The following CNTN4 variants were observed in gnomAD, a reference collection of about 807,000 sequenced individuals.
CNTN4 encodes contactin 4.
In CNTN4, 77 loss-of-function variants were observed where a neutral mutation model predicts 122.5. The observed-to-expected ratio is 0.63, with a 90% CI of 0.52 to 0.76. CNTN4 has a LOEUF of 0.76. Ranked by LOEUF, CNTN4 falls within the 30% of genes least tolerant of loss-of-function variation. The probability of loss-of-function intolerance (pLI) is 0.00; values close to 1 mark genes in which losing one functional copy is unlikely to be tolerated. For missense variants in CNTN4, 1,256 were observed against 1,259.1 expected, an observed-to-expected ratio of 1.00 and a Z score of 0.04; for synonymous variants, 512 against 447.0, an observed-to-expected ratio of 1.15 and a Z score of -1.83.
chr3:2,863,038 A>T (rs1315399136), intron 7 of CNTN4, among the ~76,000 whole-genome samples: 1 of 152,134 alleles, frequency 6.6e-6, no homozygotes, highest in East Asian at 1.9e-4. Context: ...TAGACCTCAG[A>T]ATTTTCTTAT....
rs1156582228 is a variant in CNTN4, at chr3:2,400,428, C to CATACATATAT, written c.-89+61198_-89+61199insCATATATATA. Among the ~76,000 whole-genome samples, 9 of 95,822 alleles carry CATACATATAT rather than the reference C, an allele frequency of 9.4e-5. 1 individual carries two copies. The highest frequency in any genetic ancestry group is 1.2e-4 in the Admixed American group (1 of 8,648). The allele number at this position is 95,822 out of a possible 152,430, so 62.9% of individuals were successfully genotyped here. ...GAATATATATATATATATATATATA[C>CATACATATAT]ATATATATATATATATATATATCTC... On this transcript the variant is annotated intron_variant, in intron 3 of 24. Coordinates refer to ENST00000418658, the MANE Select transcript of CNTN4 (RefSeq NM_175607.3).
At chr3:2,438,514 T>G (rs2151263848) in intron 3 of CNTN4, among the ~76,000 whole-genome samples, 1 of 152,310 alleles carries the variant, frequency 6.6e-6, no homozygotes, top group East Asian at 1.9e-4. Flanking sequence ...AGAGTGAGAC[T>G]CTGTCTCAAA....
intron 4 of CNTN4, among the ~76,000 whole-genome samples, chr3:2,590,126 A>C (rs1033941627): frequency 2.6e-5 from 4 of 152,222 alleles, no homozygotes; most frequent in Non-Finnish European, 1.5e-5. Flanking sequence ...CCTACACAAC[A>C]TAATACGATT....
At position 2,561,327 on chromosome 3, in the gene CNTN4, A is replaced by T. The variant is rs116783801; in HGVS notation, c.-88-10089A>T. Among the ~76,000 whole-genome samples, 1,216 of 152,300 alleles carry T rather than the reference A, an allele frequency of 8.0e-3. 17 individuals are homozygous for T. The highest frequency in any genetic ancestry group is 0.028 in the African/African-American group (1,169 of 41,566). ...GGAAAACAAACGTGAGATGATTGCTAAGAAATCCTTCTTTCCTGCTCTGGT... is the reference window on the plus strand; with the variant it reads ...GGAAAACAAACGTGAGATGATTGCTTAGAAATCCTTCTTTCCTGCTCTGGT... On this transcript the variant is annotated intron_variant, in intron 3 of 24. Transcript: ENST00000418658.
At chr3:2,153,718 C>A (rs928505458) in intron 2 of CNTN4, among the ~76,000 whole-genome samples, 2 of 152,078 alleles carry the variant, frequency 1.3e-5, no homozygotes, top group Non-Finnish European at 2.9e-5. Flanking sequence ...AGATATTGCT[C>A]TGACTGCTGT....
At chr3:2,415,491 T>G (rs2047378983) in intron 3 of CNTN4, among the ~76,000 whole-genome samples, 1 of 152,182 alleles carries the variant, frequency 6.6e-6, no homozygotes, top group African/African-American at 2.4e-5. Context: ...TAAAAAGTCA[T>G]AACATTTCCA....
At chr3:2,643,924 C>G (rs1576325477) in intron 4 of CNTN4, among the ~76,000 whole-genome samples, 1 of 152,144 alleles carries the variant, frequency 6.6e-6, no homozygotes, top group African/African-American at 2.4e-5. Context: ...TTGCTCTCAT[C>G]AGATTTAAAC....
chr3:2,935,648 G>A (rs944797835), intron 13 of CNTN4, among the ~76,000 whole-genome samples: 1 of 152,142 alleles, frequency 6.6e-6, no homozygotes, highest in African/African-American at 2.4e-5. Flanking sequence ...TCACGGAAAA[G>A]GGACGAAACA....
intron 14 of CNTN4, among the ~76,000 whole-genome samples, chr3:3,001,362 T>C (rs1054357308): frequency 6.6e-6 from 1 of 152,190 alleles, no homozygotes; most frequent in Non-Finnish European, 1.5e-5. Flanking sequence ...CCTCATTGTT[T>C]TTTCCCAGAT....
intron 4 of CNTN4, among the ~76,000 whole-genome samples, chr3:2,635,736 T>C (rs1255048890): frequency 6.6e-6 from 1 of 152,206 alleles, no homozygotes; most frequent in Non-Finnish European, 1.5e-5. Context: ...ATAGCACTGA[T>C]GTTTATGGTT....
intron 2 of CNTN4, among the ~76,000 whole-genome samples, chr3:2,163,516 C>T (rs941087176): frequency 5.3e-5 from 8 of 152,004 alleles, no homozygotes; most frequent in African/African-American, 1.7e-4. Context: ...CCTAATTAAA[C>T]TAAAAAGCTT....
chr3:2,732,163 T>TA (rs1270343228), intron 4 of CNTN4, among the ~76,000 whole-genome samples: 3 of 152,194 alleles, frequency 2.0e-5, no homozygotes, highest in Admixed American at 6.5e-5. Context: ...GGAGTGGGTC[T>TA]AAAACCGGTG....
At chr3:2,566,757 C>CAG (rs1338230112) in intron 3 of CNTN4, among the ~76,000 whole-genome samples, 1 of 152,154 alleles carries the variant, frequency 6.6e-6, no homozygotes, top group East Asian at 1.9e-4. Flanking sequence ...AACATGTTTA[C>CAG]AGAGATTAAG....
intron 2 of CNTN4, among the ~76,000 whole-genome samples, chr3:2,283,090 C>T (rs1330832703): frequency 6.6e-6 from 1 of 151,960 alleles, no homozygotes; most frequent in Admixed American, 6.6e-5. Flanking sequence ...GTGAAATATA[C>T]TAAAAACCAT....
chr3:2,907,082 G>A (rs1239244303), intron 12 of CNTN4, among the ~76,000 whole-genome samples: 2 of 152,130 alleles, frequency 1.3e-5, no homozygotes, highest in African/African-American at 4.8e-5. Context: ...CCTATTTAAA[G>A]ATACATAGAA....
At chr3:2,224,800 G>A (rs1004359999) in intron 2 of CNTN4, among the ~76,000 whole-genome samples, 1 of 152,114 alleles carries the variant, frequency 6.6e-6, no homozygotes, top group Admixed American at 6.5e-5. Flanking sequence ...TAATCAGGTT[G>A]ACTCAATCTG....
intron 2 of CNTN4, among the ~76,000 whole-genome samples, chr3:2,328,131 A>C (rs1199855341): frequency 2.0e-5 from 3 of 152,134 alleles, no homozygotes; most frequent in African/African-American, 7.2e-5. Flanking sequence ...AAAAATACAC[A>C]GTTTTGGCCG....
At chr3:2,222,057 C>T (rs907586939) in intron 2 of CNTN4, among the ~76,000 whole-genome samples, 6 of 151,978 alleles carry the variant, frequency 3.9e-5, no homozygotes, top group African/African-American at 1.4e-4. Flanking sequence ...GGTATATACC[C>T]AAGAGAAATG....
At chr3:2,832,902 G>T (rs185784100) in intron 7 of CNTN4, among the ~76,000 whole-genome samples, 3 of 152,056 alleles carry the variant, frequency 2.0e-5, no homozygotes, top group Admixed American at 6.6e-5. Context: ...AATTACAACC[G>T]ATGTGTTAAA....
Sources: gnomAD v4.1 joint callset for allele counts (sites outside exome capture counted in the v4.1 genomes callset) on GRCh38, gnomAD v4.1.1 for gene constraint, MANE v1.5 for transcripts, NCBI Gene and HGNC (gene_info 2026-07-23, HGNC 2026-07-21) for gene names.